STPG2: variants seen among roughly 807,000 people sequenced by gnomAD.
The protein encoded by STPG2 is sperm-tail PG-rich repeat-containing protein 2.
STPG2 carries 56 observed loss-of-function variants against 54.2 expected under a neutral mutation model. The observed-to-expected ratio is 1.03, with a 90% CI of 0.83 to 1.29. STPG2 has a LOEUF of 1.29. STPG2 is among the 50% of genes most tolerant of loss of function. STPG2 has a pLI of 0.00. For synonymous variants in STPG2, 200 were observed against 181.8 expected (o/e 1.10, Z -0.81); for missense variants, 596 against 544.9 (o/e 1.09, Z -0.93).
At chr4:97,716,516 G>A (rs1482573725) in intron 9 of STPG2, among the ~76,000 whole-genome samples, 1 of 151,886 alleles carries the variant, frequency 6.6e-6, no homozygotes, top group Non-Finnish European at 1.5e-5. Context: ...TACTATGCAG[G>A]TATAAAAAAA....
chr4:97,940,906 C>T (rs1168927363), intron 8 of STPG2, among the ~76,000 whole-genome samples: 8 of 152,148 alleles, frequency 5.3e-5, no homozygotes, highest in Middle Eastern at 6.8e-3. Flanking sequence ...AGGAAATGCT[C>T]GGTTCATATT....
intron 5 of STPG2, among the ~76,000 whole-genome samples, chr4:98,013,447 G>C (rs1463559276): frequency 1.3e-5 from 2 of 152,104 alleles, no homozygotes; most frequent in African/African-American, 4.8e-5. Flanking sequence ...GTATCAGGGT[G>C]ATGCTAGCCT....
At chr4:97,523,525 T>C (rs72684420) in intron 4 of STPG2, among the ~76,000 whole-genome samples, 2,821 of 152,068 alleles carry the variant, frequency 0.019, 49 homozygotes, top group Non-Finnish European at 0.026. Context: ...GAAGGGTGAT[T>C]AAACAGTTAA....
chr4:97,790,661 G>T (rs752679755), intron 9 of STPG2, among the ~76,000 whole-genome samples: 2 of 152,118 alleles, frequency 1.3e-5, no homozygotes, highest in Non-Finnish European at 2.9e-5. Context: ...TCAAGGAAAG[G>T]TCAAGCTTCT....
intron 4 of STPG2, among the ~76,000 whole-genome samples, chr4:97,453,377 C>A (rs560858722): frequency 6.6e-6 from 1 of 152,334 alleles, no homozygotes; most frequent in East Asian, 1.9e-4. Flanking sequence ...CCACGCCTGA[C>A]TCTTCCTTGG....
chr4:97,704,565 C>T (rs1456629444), intron 10 of STPG2, among the ~76,000 whole-genome samples: 2 of 152,142 alleles, frequency 1.3e-5, no homozygotes. Flanking sequence ...AGGTTGTAGT[C>T]CATGGAGAGT....
chr4:97,610,053 T>C (rs1434421803), intron 10 of STPG2, among the ~76,000 whole-genome samples: 1 of 152,018 alleles, frequency 6.6e-6, no homozygotes, highest in East Asian at 1.9e-4. Context: ...ATAATTTTCC[T>C]GAGAAGGTTC....
chr4:97,546,183 G>T (rs1157359323), intron 4 of STPG2, among the ~76,000 whole-genome samples: 1 of 151,590 alleles, frequency 6.6e-6, no homozygotes, highest in Non-Finnish European at 1.5e-5. Flanking sequence ...AGACTGAAGG[G>T]CACATTTAGT....
At chr4:97,740,327 C>A (rs1256666368) in intron 9 of STPG2, among the ~76,000 whole-genome samples, 3 of 152,118 alleles carry the variant, frequency 2.0e-5, no homozygotes, top group Non-Finnish European at 4.4e-5. Flanking sequence ...CCCCTCTCAC[C>A]ACTCCTATTC....
intron 4 of STPG2, among the ~76,000 whole-genome samples, chr4:97,493,552 G>A (rs1377779889): frequency 1.3e-5 from 2 of 151,400 alleles, no homozygotes; most frequent in African/African-American, 2.4e-5. Context: ...GGATATACAA[G>A]TTATCACATG....
At chr4:97,663,678 C>T (rs983989183) in intron 10 of STPG2, among the ~76,000 whole-genome samples, 1 of 152,132 alleles carries the variant, frequency 6.6e-6, no homozygotes, top group Non-Finnish European at 1.5e-5. Flanking sequence ...TTGCCAATCC[C>T]AAAGGCAGTT....
intron 5 of STPG2, among the ~76,000 whole-genome samples, chr4:98,006,243 T>G (rs530693065): frequency 1.3e-5 from 2 of 152,266 alleles, no homozygotes; most frequent in South Asian, 4.1e-4. Context: ...GGCTGAGAAC[T>G]GTGAGTAAAG....
rs968932037 is a variant in STPG2 at position 97,499,912 on chromosome 4, G to T, written c.462+212787C>A. Among the ~76,000 whole-genome samples, 12 of 151,986 alleles carry T rather than the reference G, an allele frequency of 7.9e-5. No homozygotes were observed. In the South Asian group the frequency reaches 1.0e-3, roughly 13 times the overall value. On this transcript the variant is annotated intron_variant, in intron 4 of 4. Transcript: ENST00000522676. ...TGGGATAAAAGAGTAATTGGGCTGG[G>T]CCTGGAGGCAGGTCTATTGCATAGG...
intron 10 of STPG2, among the ~76,000 whole-genome samples, chr4:97,649,830 G>C (rs888774725): frequency 6.6e-6 from 1 of 152,000 alleles, no homozygotes; most frequent in Admixed American, 6.6e-5. Flanking sequence ...CAGGGGGGAC[G>C]GCATGGTTTC....
chr4:97,548,676 C>T (rs1466016928), intron 4 of STPG2, among the ~76,000 whole-genome samples: 1 of 151,954 alleles, frequency 6.6e-6, no homozygotes, highest in Non-Finnish European at 1.5e-5. Flanking sequence ...TGAATTCTTG[C>T]TATAATAGTA....
intron 9 of STPG2, among the ~76,000 whole-genome samples, chr4:97,803,081 T>G (rs1727447175): frequency 6.6e-6 from 1 of 152,182 alleles, no homozygotes; most frequent in Non-Finnish European, 1.5e-5. Context: ...AGACTATTAT[T>G]GGAAAATATA....
intron 4 of STPG2, among the ~76,000 whole-genome samples, chr4:97,509,802 C>T (rs778066720): frequency 1.3e-5 from 2 of 152,034 alleles, no homozygotes; most frequent in Non-Finnish European, 2.9e-5. Context: ...CAGATAACAT[C>T]TCATAATAAG....
At chr4:97,464,728 T>C (rs1286893279) in intron 4 of STPG2, among the ~76,000 whole-genome samples, 1 of 152,166 alleles carries the variant, frequency 6.6e-6, no homozygotes, top group African/African-American at 2.4e-5. Flanking sequence ...CTGGTACATG[T>C]CACCATATAA....
At chr4:98,014,895 A>AC (rs1560636056) in intron 5 of STPG2, among the ~76,000 whole-genome samples, 1 of 151,702 alleles carries the variant, frequency 6.6e-6, no homozygotes, top group African/African-American at 2.4e-5. Flanking sequence ...CTTCGTTGAC[A>AC]TTTTTTTTCT....
Sources: allele counts gnomAD v4.1 joint callset (sites outside exome capture counted in the v4.1 genomes callset), GRCh38; gene constraint gnomAD v4.1.1; transcripts MANE v1.5; gene names NCBI Gene and HGNC (gene_info 2026-07-23, HGNC 2026-07-21).